The following GRIP1 variants were observed in gnomAD, a reference collection of about 807,000 sequenced individuals.
GRIP1 encodes glutamate receptor-interacting protein 1.
GRIP1 carries 45 observed loss-of-function variants against 129.9 expected under a neutral mutation model. The observed-to-expected ratio is 0.35, with a 90% CI of 0.27 to 0.44. GRIP1 has a LOEUF of 0.44. Ranked by LOEUF, GRIP1 falls within the 20% of genes least tolerant of loss-of-function variation. The probability of loss-of-function intolerance (pLI) is 1.00; values close to 1 mark genes in which losing one functional copy is unlikely to be tolerated. For synonymous variants in GRIP1, 530 were observed against 520.8 expected (o/e 1.02, Z -0.24); for missense variants, 1,196 against 1,396.8 (o/e 0.86, Z 2.29).
chr12:66,484,717 A>G (rs11176223), intron 7 of GRIP1, among the ~76,000 whole-genome samples: 6,612 of 152,256 alleles, frequency 0.043, 362 homozygotes, highest in African/African-American at 0.12. Context: ...CTTAGTGGGT[A>G]TAAAACACAT....
At chr12:66,829,645 A>T (rs910791097) in intron 1 of GRIP1, among the ~76,000 whole-genome samples, 17 of 152,170 alleles carry the variant, frequency 1.1e-4, no homozygotes, top group African/African-American at 4.1e-4. Flanking sequence ...TTTTTGTCCA[A>T]TAAGAAAAAA....
chr12:66,757,857 C>A (rs957010692), intron 1 of GRIP1, among the ~76,000 whole-genome samples: 2 of 152,198 alleles, frequency 1.3e-5, no homozygotes, highest in Non-Finnish European at 2.9e-5. Flanking sequence ...TGATGTTCAG[C>A]ACCTTTCAGG....
At chr12:66,692,362 A>T (rs1368100974) in intron 1 of GRIP1, among the ~76,000 whole-genome samples, 2 of 152,190 alleles carry the variant, frequency 1.3e-5, no homozygotes, top group Non-Finnish European at 2.9e-5. Flanking sequence ...ATTTGAGTGG[A>T]GAATTAAGCT....
chr12:66,355,331 C>T (rs1565659278), intron 23 of GRIP1, among the ~76,000 whole-genome samples: 1 of 152,128 alleles, frequency 6.6e-6, no homozygotes, highest in Non-Finnish European at 1.5e-5. Context: ...GAGCAGTGAG[C>T]AAAACACAAC....
At chr12:66,716,108 T>C (rs765619562) in intron 1 of GRIP1, among the ~76,000 whole-genome samples, 1 of 152,042 alleles carries the variant, frequency 6.6e-6, no homozygotes, top group Non-Finnish European at 1.5e-5. Flanking sequence ...AAAAAAATTA[T>C]AATACCCCCT....
chr12:66,562,899 T>C (rs896444534), intron 2 of GRIP1, among the ~76,000 whole-genome samples: 6 of 146,022 alleles, frequency 4.1e-5, no homozygotes, highest in East Asian at 4.0e-4. Flanking sequence ...TAAAAGAGAA[T>C]GTTGTTAAGA....
chr12:66,702,581 A>T (rs1384987150), intron 1 of GRIP1, among the ~76,000 whole-genome samples: 1 of 152,216 alleles, frequency 6.6e-6, no homozygotes, highest in Non-Finnish European at 1.5e-5. Context: ...AATTACTAGG[A>T]AATGAGTTAC....
intron 1 of GRIP1, among the ~76,000 whole-genome samples, chr12:66,945,419 G>A (rs2041652513): frequency 6.6e-6 from 1 of 152,186 alleles, no homozygotes; most frequent in East Asian, 1.9e-4. Context: ...AGAAAAGAGT[G>A]TTTAATTGGC....
chr12:67,045,074 A>G (rs148335960), intron 1 of GRIP1, among the ~76,000 whole-genome samples: 203 of 152,378 alleles, frequency 1.3e-3, no homozygotes, highest in Non-Finnish European at 2.5e-3. Context: ...TCCAGAGTGT[A>G]TGCGCTCAAC....
chr12:66,611,494 G>T (rs1222759603), intron 1 of GRIP1, among the ~76,000 whole-genome samples: 1 of 151,976 alleles, frequency 6.6e-6, no homozygotes, highest in Non-Finnish European at 1.5e-5. Flanking sequence ...TTGATCCTAG[G>T]AATTCCTTTT....
chr12:66,833,362 T>G (rs745792835), intron 1 of GRIP1, among the ~76,000 whole-genome samples: 8 of 152,198 alleles, frequency 5.3e-5, no homozygotes, highest in Non-Finnish European at 8.8e-5. Flanking sequence ...CACTCTTCCC[T>G]GGGCTCCAAA....
intron 1 of GRIP1, among the ~76,000 whole-genome samples, chr12:66,771,604 G>A (rs2037820977): frequency 6.6e-6 from 1 of 152,162 alleles, no homozygotes; most frequent in Non-Finnish European, 1.5e-5. Flanking sequence ...TCCCAGCGCA[G>A]AGAGGTCCCC....
In GRIP1 at chr12:66,822,967, C is replaced by A. The variant is rs369892509; in HGVS notation, c.59-226040G>T. Among the ~76,000 whole-genome samples, 19 of 152,246 alleles carry A rather than the reference C, an allele frequency of 1.2e-4. 1 individual carries two copies. The highest frequency in any genetic ancestry group is 4.3e-4 in the African/African-American group (18 of 41,570). ...CGTAACAAGCTTGCACATGCACTCC[C>A]TGAATCTAAAATAAAAGTTAAAATT... is the stretch of plus-strand genomic sequence containing the variant. On this transcript the variant is annotated intron_variant, in intron 1 of 1. Coordinates refer to the GRIP1 transcript ENST00000643019.
chr12:66,872,598 C>T (rs1302961339), intron 1 of GRIP1, among the ~76,000 whole-genome samples: 1 of 151,940 alleles, frequency 6.6e-6, no homozygotes, highest in Non-Finnish European at 1.5e-5. Context: ...CAACCAGTAA[C>T]AGTAAAATAT....
At chr12:66,487,595 G>C (rs1006366713) in intron 7 of GRIP1, among the ~76,000 whole-genome samples, 1 of 152,108 alleles carries the variant, frequency 6.6e-6, no homozygotes, top group Non-Finnish European at 1.5e-5. Flanking sequence ...AAAATAACCA[G>C]CTAGCATCAT....
intron 2 of GRIP1, among the ~76,000 whole-genome samples, chr12:66,555,518 A>G (rs1358261794): frequency 2.0e-5 from 3 of 152,190 alleles, no homozygotes; most frequent in African/African-American, 7.2e-5. Flanking sequence ...ACTGATGAAC[A>G]TCAATAAACA....
chr12:66,579,277 G>C (rs1218143813), intron 2 of GRIP1, among the ~76,000 whole-genome samples: 1 of 152,048 alleles, frequency 6.6e-6, no homozygotes, highest in East Asian at 1.9e-4. Context: ...CATCATCAAA[G>C]ACCAAAAGTA....
intron 1 of GRIP1, among the ~76,000 whole-genome samples, chr12:66,822,943 G>A (rs1051958945): frequency 2.6e-5 from 4 of 152,092 alleles, no homozygotes; most frequent in African/African-American, 9.7e-5. Flanking sequence ...ATATGCCCAC[G>A]TAACAAGCTT....
At chr12:66,600,464 T>G (rs895315377) in intron 1 of GRIP1, among the ~76,000 whole-genome samples, 2 of 152,342 alleles carry the variant, frequency 1.3e-5, no homozygotes, top group South Asian at 4.1e-4. Context: ...ATTAATTATA[T>G]TCACTTTTTC....
Sources: allele counts gnomAD v4.1 joint callset (sites outside exome capture counted in the v4.1 genomes callset), GRCh38; gene constraint gnomAD v4.1.1; transcripts MANE v1.5; gene names NCBI Gene and HGNC (gene_info 2026-07-23, HGNC 2026-07-21).